The following ADAM22 variants were observed in gnomAD, a reference collection of about 807,000 sequenced individuals.
ADAM22 encodes the protein disintegrin and metalloproteinase domain-containing protein 22.
A neutral mutation model predicts 144.6 loss-of-function variants in ADAM22; 65 were observed. The ratio of observed to expected loss-of-function variants is 0.45; its 90% CI spans 0.37 to 0.55. The LOEUF is 0.55. Among genes scored for constraint, ADAM22 ranks in the 20% least tolerant of loss-of-function variants. The pLI is 0.00. For synonymous variants in ADAM22, 391 were observed against 412.6 expected (o/e 0.95, Z 0.63); for missense variants, 974 against 1,184.9 (o/e 0.82, Z 2.61).
intron 3 of ADAM22, among the ~76,000 whole-genome samples, chr7:88,005,641 A>G (rs562453518): frequency 1.3e-5 from 2 of 152,170 alleles, no homozygotes; most frequent in Non-Finnish European, 1.5e-5. Context: ...GGGATTGGGC[A>G]GAGAGAGATG....
At chr7:88,193,267 A>G (rs775658939) in intron 31 of ADAM22, 28 bp downstream of exon 31, 6 of 1,610,154 alleles carry the variant, frequency 3.7e-6, no homozygotes, top group Non-Finnish European at 5.1e-6. Context: ...CCATGTGCGT[A>G]CATGCTCAGT....
intron 4 of ADAM22, among the ~76,000 whole-genome samples, chr7:88,080,796 A>G (rs1816323988): frequency 6.6e-6 from 1 of 152,244 alleles, no homozygotes; most frequent in Non-Finnish European, 1.5e-5. Context: ...AGACTAAACC[A>G]GGAAGAAGTT....
At chr7:88,149,083 A>C (rs1348725962) in intron 18 of ADAM22, 26 bp downstream of exon 18, 1 of 1,575,964 alleles carries the variant, frequency 6.3e-7, no homozygotes, top group Non-Finnish European at 8.7e-7. Flanking sequence ...ACTGCTCTAA[A>C]ACTTATGGGA....
intron 3 of ADAM22, among the ~76,000 whole-genome samples, chr7:88,030,018 A>G (rs892791455): frequency 6.6e-6 from 1 of 152,032 alleles, no homozygotes; most frequent in African/African-American, 2.4e-5. Context: ...TTTCTCTAGG[A>G]TTGGGAAGTT....
chr7:87,952,259 T>C (rs2131415450), intron 2 of ADAM22, among the ~76,000 whole-genome samples: 1 of 151,714 alleles, frequency 6.6e-6, no homozygotes, highest in Admixed American at 6.6e-5. Flanking sequence ...GCCCATTCAG[T>C]ATGATATTGG....
intron 5 of ADAM22, among the ~76,000 whole-genome samples, chr7:88,111,796 TA>T (rs1826118243): frequency 6.6e-6 from 1 of 152,204 alleles, no homozygotes; most frequent in Non-Finnish European, 1.5e-5. Context: ...AAAACACATG[TA>T]TTTTTTCATT....
intron 7 of ADAM22, among the ~76,000 whole-genome samples, chr7:88,119,851 T>G (rs878899881): frequency 3.3e-5 from 5 of 152,208 alleles, no homozygotes; most frequent in African/African-American, 1.2e-4. Context: ...TTTTTGACTA[T>G]TATGAGAAAA....
At chr7:88,007,336 T>C (rs971749701) in intron 3 of ADAM22, among the ~76,000 whole-genome samples, 6 of 152,130 alleles carry the variant, frequency 3.9e-5, no homozygotes, top group African/African-American at 1.4e-4. Context: ...AGGTAATTTA[T>C]AGATTCAATG....
intron 3 of ADAM22, among the ~76,000 whole-genome samples, chr7:88,052,823 C>A (rs1424643505): frequency 1.3e-5 from 2 of 152,196 alleles, no homozygotes; most frequent in Non-Finnish European, 2.9e-5. Flanking sequence ...TGTGTTGGTA[C>A]TTTCAGGCCT....
At chr7:87,940,181 CAAA>C (rs35309253) in intron 2 of ADAM22, among the ~76,000 whole-genome samples, 9 of 76,000 alleles carry the variant, frequency 1.2e-4, no homozygotes, top group African/African-American at 2.3e-4. Flanking sequence ...GTCTTTATCT[CAAA>C]AAAAAAAAAA....
At chr7:87,982,850 C>T (rs1026885260) in intron 3 of ADAM22, among the ~76,000 whole-genome samples, 2 of 150,478 alleles carry the variant, frequency 1.3e-5, no homozygotes, top group Non-Finnish European at 3.0e-5. Context: ...CACCACAACA[C>T]CCGGCTAATT....
chr7:87,944,298 A>C (rs1038597589), intron 2 of ADAM22, among the ~76,000 whole-genome samples: 13 of 151,798 alleles, frequency 8.6e-5, no homozygotes, highest in Non-Finnish European at 1.2e-4. Flanking sequence ...TTGCTGGTAC[A>C]CACAATTTGG....
At chr7:88,175,524 T>A (rs1845422450) in intron 26 of ADAM22, among the ~76,000 whole-genome samples, 1 of 152,124 alleles carries the variant, frequency 6.6e-6, no homozygotes, top group Admixed American at 6.6e-5. Context: ...AGATACGTTT[T>A]GAGGGGGAAA....
intron 2 of ADAM22, among the ~76,000 whole-genome samples, chr7:87,946,632 G>A (rs1232051596): frequency 3.3e-5 from 5 of 152,072 alleles, no homozygotes; most frequent in African/African-American, 1.2e-4. Context: ...GCTTATTTTT[G>A]CCCACTTTGT....
chr7:88,040,130 T>C (rs1425108259), intron 3 of ADAM22, among the ~76,000 whole-genome samples: 1 of 151,964 alleles, frequency 6.6e-6, no homozygotes, highest in Admixed American at 6.5e-5. Context: ...ACTTCCATTT[T>C]TTTTTTAATT....
At chr7:88,096,507 T>G (rs1821354307) in intron 4 of ADAM22, among the ~76,000 whole-genome samples, 1 of 151,520 alleles carries the variant, frequency 6.6e-6, no homozygotes. Flanking sequence ...CACACATATA[T>G]ATATATTCCA....
At chr7:88,050,236 A>AAC (rs1805859989) in intron 3 of ADAM22, among the ~76,000 whole-genome samples, 1 of 150,520 alleles carries the variant, frequency 6.6e-6, no homozygotes, top group African/African-American at 2.4e-5. Flanking sequence ...AAAAAAAAAA[A>AAC]AAAAAAAACC....
intron 24 of ADAM22, among the ~76,000 whole-genome samples, chr7:88,166,984 T>A (rs1263097021): frequency 6.6e-6 from 1 of 152,192 alleles, no homozygotes; most frequent in Non-Finnish European, 1.5e-5. Context: ...GGCATTTGCA[T>A]CTGTGCATCC....
chr7:88,041,491 A>G (rs1251316970), intron 3 of ADAM22, among the ~76,000 whole-genome samples: 1 of 151,742 alleles, frequency 6.6e-6, no homozygotes, highest in Non-Finnish European at 1.5e-5. Context: ...GTTTTAATAT[A>G]CTCATCTATA....
Sources: gnomAD v4.1 joint callset for allele counts (sites outside exome capture counted in the v4.1 genomes callset) on GRCh38, gnomAD v4.1.1 for gene constraint, MANE v1.5 for transcripts, NCBI Gene and HGNC (gene_info 2026-07-23, HGNC 2026-07-21) for gene names.